Variants in RAB28 observed in about 807,000 individuals in gnomAD.
RAB28 encodes ras-related protein Rab-28.
Under a neutral mutation model 31.7 loss-of-function variants are expected in RAB28, and 24 were observed. That is an observed-to-expected ratio of 0.76 (90% CI 0.55 to 1.06). The LOEUF is 1.06. Ranked by LOEUF, RAB28 falls within the 50% of genes least tolerant of loss-of-function variation. The pLI is 0.00. For missense variants in RAB28, 254 were observed against 258.5 expected, an observed-to-expected ratio of 0.98 and a Z score of 0.12; for synonymous variants, 100 against 90.4, an observed-to-expected ratio of 1.11 and a Z score of -0.60.
chr4:13,369,910 G>T (rs369105500), intron 6 of RAB28: 1 of 1,612,082 alleles, frequency 6.2e-7, no homozygotes, highest in African/African-American at 1.3e-5. Flanking sequence ...CTGAGTAGAG[G>T]TGGTATGTTG....
chr4:13,443,248 A>G (rs1360559026), intron 4 of RAB28, among the ~76,000 whole-genome samples: 1 of 151,432 alleles, frequency 6.6e-6, no homozygotes, highest in Non-Finnish European at 1.5e-5. Flanking sequence ...ATCTCGGCTC[A>G]CTGCAACCTC....
chr4:13,419,611 A>C (rs180882768), intron 4 of RAB28, among the ~76,000 whole-genome samples: 4 of 152,200 alleles, frequency 2.6e-5, no homozygotes, highest in Non-Finnish European at 1.5e-5. Context: ...TCAAAACCAC[A>C]TAACTACATG....
intron 3 of RAB28, among the ~76,000 whole-genome samples, chr4:13,461,281 T>C (rs1166850973): frequency 6.6e-6 from 1 of 152,240 alleles, no homozygotes; most frequent in Non-Finnish European, 1.5e-5. Flanking sequence ...TATCCCTTGA[T>C]AGACAATTTA....
At chr4:13,442,716 C>T (rs1337200582) in intron 4 of RAB28, among the ~76,000 whole-genome samples, 1 of 152,062 alleles carries the variant, frequency 6.6e-6, no homozygotes, top group Non-Finnish European at 1.5e-5. Flanking sequence ...ACAATAACAA[C>T]TAACACATAT....
intron 4 of RAB28, among the ~76,000 whole-genome samples, chr4:13,414,156 T>G (rs1027048477): frequency 1.2e-4 from 19 of 152,190 alleles, no homozygotes; most frequent in Admixed American, 1.2e-3. Context: ...CTAACAGTAT[T>G]TATAGTTCAT....
At chr4:13,480,808 T>C (rs1055689405) in intron 1 of RAB28, among the ~76,000 whole-genome samples, 17 of 151,958 alleles carry the variant, frequency 1.1e-4, no homozygotes, top group African/African-American at 3.1e-4. Context: ...TTTTGACACA[T>C]GTAACACTAT....
chr4:13,457,956 C>A (rs1262527872), intron 4 of RAB28, among the ~76,000 whole-genome samples: 1 of 152,078 alleles, frequency 6.6e-6, no homozygotes, highest in African/African-American at 2.4e-5. Context: ...AATGCAAAAC[C>A]TCCAATAAAG....
At position 13,427,417 on chromosome 4, in the gene RAB28, G is replaced by A. The variant is rs190298475; in HGVS notation, c.391+33282C>T. Among the ~76,000 whole-genome samples, 129 of 152,260 alleles carry A rather than the reference G, an allele frequency of 8.5e-4. 2 individuals carry two copies. The highest frequency in any genetic ancestry group is 7.9e-4 in the Non-Finnish European group (54 of 68,030). ...GATCCCTGAGACAAGAAACAAACAA[G>A]GTAAGCTTTATAGTCACTCCTTCTG... On this transcript the variant is annotated intron_variant, in intron 4 of 6. Transcript: ENST00000330852.
At chr4:13,391,503 C>T (rs1729628029) in intron 4 of RAB28, among the ~76,000 whole-genome samples, 1 of 152,176 alleles carries the variant, frequency 6.6e-6, no homozygotes, top group African/African-American at 2.4e-5. Flanking sequence ...ATGGCGATTC[C>T]TCAAGGATCT....
At chr4:13,465,432 G>A (rs141485907) in intron 3 of RAB28, among the ~76,000 whole-genome samples, 1,944 of 150,642 alleles carry the variant, frequency 0.013, 21 homozygotes, top group Non-Finnish European at 0.019. Context: ...AAATGAAAAA[G>A]CATAAAAATT....
At chr4:13,442,505 T>C (rs1714475390) in intron 4 of RAB28, among the ~76,000 whole-genome samples, 1 of 151,998 alleles carries the variant, frequency 6.6e-6, no homozygotes, top group South Asian at 2.1e-4. Context: ...ACTTCTAAAC[T>C]ATAATTTAAA....
At chr4:13,483,676 G>A (rs1467359940) in intron 1 of RAB28, among the ~76,000 whole-genome samples, 1 of 152,158 alleles carries the variant, frequency 6.6e-6, no homozygotes, top group Non-Finnish European at 1.5e-5. Context: ...TACGCTCCTG[G>A]GAGCTCACGA....
At chr4:13,412,362 G>A (rs1712486916) in intron 4 of RAB28, among the ~76,000 whole-genome samples, 1 of 152,106 alleles carries the variant, frequency 6.6e-6, no homozygotes, top group Non-Finnish European at 1.5e-5. Flanking sequence ...CTGGGGGTGG[G>A]AGGAGAAGTG....
intron 4 of RAB28, among the ~76,000 whole-genome samples, chr4:13,456,619 C>T (rs1458565610): frequency 6.6e-6 from 1 of 152,136 alleles, no homozygotes; most frequent in Non-Finnish European, 1.5e-5. Context: ...AAATCCAAAG[C>T]TCTATGACCT....
In RAB28 at chr4:13,480,631, T is replaced by C. The variant is rs533637732; in HGVS notation, c.76-1105A>G. 1.3e-3 allele frequency among the ~76,000 whole-genome samples: 195 copies of C among 151,992 alleles called. 1 individual carries two copies. Among genetic ancestry groups the C allele is most frequent in the African/African-American group, 4.5e-3 (186 of 41,552 alleles). On this transcript the variant is annotated intron_variant, in intron 1 of 6. Coordinates refer to ENST00000330852, the MANE Select transcript of RAB28 (RefSeq NM_001017979.3). ...CTAAAATTCCTTTTACACAGAACCA[T>C]ATTTTTCACACAAATGGCAATTTGG...
chr4:13,425,891 A>C (rs1238758357), intron 4 of RAB28, among the ~76,000 whole-genome samples: 1 of 152,190 alleles, frequency 6.6e-6, no homozygotes, highest in African/African-American at 2.4e-5. Context: ...AACAATATAC[A>C]TGTGATTGTC....
intron 1 of RAB28, among the ~76,000 whole-genome samples, chr4:13,483,509 A>T (rs1469579254): frequency 6.6e-6 from 1 of 152,196 alleles, no homozygotes; most frequent in East Asian, 1.9e-4. Flanking sequence ...GTATTTTCAC[A>T]TTTAATATGT....
intron 4 of RAB28, among the ~76,000 whole-genome samples, chr4:13,402,258 G>A (rs149035609): frequency 3.3e-5 from 5 of 152,296 alleles, no homozygotes; most frequent in South Asian, 2.1e-4. Flanking sequence ...CTAGCTGACC[G>A]ATGTTGTTCA....
At chr4:13,456,741 G>A (rs1715323429) in intron 4 of RAB28, among the ~76,000 whole-genome samples, 1 of 148,298 alleles carries the variant, frequency 6.7e-6, no homozygotes, top group Non-Finnish European at 1.5e-5. Context: ...ACATTTTTAA[G>A]AATTATATAC....
Sources: gnomAD v4.1 joint callset for allele counts (sites outside exome capture counted in the v4.1 genomes callset) on GRCh38, gnomAD v4.1.1 for gene constraint, MANE v1.5 for transcripts, NCBI Gene and HGNC (gene_info 2026-07-23, HGNC 2026-07-21) for gene names.